Variants in DHX37 observed in about 807,000 individuals in gnomAD.
DHX37 encodes the protein DEAH-box helicase 37, also known as probable ATP-dependent RNA helicase DHX37.
A neutral mutation model predicts 134.3 loss-of-function variants in DHX37; 52 were observed. That is an observed-to-expected ratio of 0.39 (90% confidence interval 0.31 to 0.49). The LOEUF is 0.49. DHX37 is among the 20% of genes least tolerant of loss of function. DHX37 has a pLI of 0.93. For missense variants in DHX37, 1,344 were observed against 1,580.8 expected (o/e 0.85, Z 2.54); for synonymous variants, 634 against 670.7 (o/e 0.95, Z 0.85).
chr12:124,977,602 G>C (rs956799372), intron 4 of DHX37, 112 bp from the exon 5 acceptor site: 9 of 1,273,126 alleles, frequency 7.1e-6, no homozygotes, highest in Non-Finnish European at 9.3e-6. Flanking sequence ...GCCTGCTGGG[G>C]AACAGAGGCC....
chr12:124,957,622 A>C (rs1369366714), intron 16 of DHX37, among the ~76,000 whole-genome samples: 1 of 151,992 alleles, frequency 6.6e-6, no homozygotes, highest in Admixed American at 6.6e-5. Context: ...CCCCATCTCT[A>C]CTAAAAATAC....
At position 124,968,543 on chromosome 12, in the gene DHX37, G is replaced by C. The variant is rs149331610; in HGVS notation, c.1399C>G (p.Leu467Val). 469 of 1,613,314 alleles carry C rather than the reference G, an allele frequency of 2.9e-4. No homozygotes were observed. Among genetic ancestry groups the C allele is most frequent in the Non-Finnish European group, 3.5e-4 (415 of 1,180,026 alleles). The part of the protein sequence containing the change: ...FRKVCKIHRM[L>V]PAGGILVFLT... ...CTGGCCAGGGCCTCACCTGCGGGCAGCATCCGGTGGATCTTGCAGACCTTC... is the reference window on the plus strand; with the variant it reads ...CTGGCCAGGGCCTCACCTGCGGGCACCATCCGGTGGATCTTGCAGACCTTC... The change falls in exon 10 of 27, where the codon CTG (leucine) becomes GTG (valine). Residue 467 changes from leucine to valine, a missense_variant. Transcript: ENST00000308736.
In DHX37 at chr12:124,964,565, G is replaced by A. The variant is rs143925453; in HGVS notation, c.1874C>T (p.Thr625Met). 5.8e-5 allele frequency: 94 copies of A among 1,613,376 alleles called. 1 individual carries two copies. The highest frequency in any genetic ancestry group is 1.9e-4 in the South Asian group (17 of 91,080). The change falls in exon 15 of 27, where the codon ACG (threonine) becomes ATG (methionine). Residue 625 changes from threonine (T) to methionine (M), a missense_variant. By Grantham distance (81) the Thr-to-Met change is moderately conservative. Coordinates refer to ENST00000308736, the MANE Select transcript of DHX37 (RefSeq NM_032656.4). Reference protein sequence around the residue: ...LCVVATNVAETSLTIPGIKYV... With the variant: ...LCVVATNVAEMSLTIPGIKYV... ...CTTGATGCCAGGGATGGTAAGCGACGTCTCGGCCACATTGGTGGCCACAAC... is the reference window on the plus strand; with the variant it reads ...CTTGATGCCAGGGATGGTAAGCGACATCTCGGCCACATTGGTGGCCACAAC...
At chr12:124,961,949 TA>T (rs897378113) in intron 15 of DHX37, among the ~76,000 whole-genome samples, 2 of 150,928 alleles carry the variant, frequency 1.3e-5, no homozygotes, top group South Asian at 2.1e-4. Flanking sequence ...GCTTTCATAT[TA>T]AAAAAAAAGT....
chr12:124,961,182 G>GCGCA (rs547779086), intron 15 of DHX37, among the ~76,000 whole-genome samples: 4,859 of 31,770 alleles, frequency 0.15, 280 homozygotes, highest in African/African-American at 0.34. Flanking sequence ...GCGCGCATGC[G>GCGCA]CGCACGCACA....
At chr12:124,952,735 C>A in intron 20 of DHX37, 165 bp from the exon 21 acceptor site, 1 of 585,544 alleles carries the variant, frequency 1.7e-6, no homozygotes, top group Non-Finnish European at 2.6e-6. Flanking sequence ...CCCCAGCAGG[C>A]AGGATTGCAG....
At chr12:124,953,857 G>T in intron 20 of DHX37, 23 bp downstream of exon 20, 1 of 1,606,006 alleles carries the variant, frequency 6.2e-7, no homozygotes. Context: ...CGGGTGCAGC[G>T]GCGTGCCGGC....
chr12:124,967,018 T>A, intron 11 of DHX37, 105 bp downstream of exon 11: 1 of 1,531,078 alleles, frequency 6.5e-7, no homozygotes. Context: ...AAGGTGCTGA[T>A]GCTTCCAGAG....
chr12:124,969,525 C>T (rs923414950), intron 8 of DHX37, among the ~76,000 whole-genome samples: 18 of 152,098 alleles, frequency 1.2e-4, no homozygotes, highest in African/African-American at 4.3e-4. Context: ...GTGACCGTCC[C>T]TGTCTGCCTC....
rs779437822 is a variant in DHX37, at chr12:124,971,358, C to A, written c.1135G>T (p.Val379Leu). 6.2e-7 allele frequency: 1 copy of A among 1,613,446 alleles called. No homozygotes were observed. The highest frequency in any genetic ancestry group is 1.1e-5 in the South Asian group (1 of 91,070). ...AGGCCGATGAGGATGTCCGTGTACA[C>A]GCTCCTCTCGTGGGCCTCGTCGATG... ...VIIDEAHERS[V>L]YTDILIGLLS... Residue 379 changes from valine to leucine, a missense_variant, in exon 8 of 27, where the codon GTG (valine) becomes TTG (leucine). Val to Leu is a conservative substitution (Grantham distance 32, BLOSUM62 1). Transcript: ENST00000308736.
intron 4 of DHX37, among the ~76,000 whole-genome samples, chr12:124,978,987 C>T (rs929397420): frequency 1.3e-5 from 2 of 151,708 alleles, no homozygotes; most frequent in Non-Finnish European, 2.9e-5. Flanking sequence ...ATGGCTATCA[C>T]GTCATTTGCA....
At position 124,964,473 on chromosome 12, in the gene DHX37, G is replaced by A. The variant is rs773733354; in HGVS notation, c.1966C>T (p.Arg656Cys). Residue 656 changes from arginine (R) to cysteine (C), a missense_variant, in exon 15 of 27, where the codon CGT (arginine) becomes TGT (cysteine). Physicochemically the swap from Arg to Cys is radical, Grantham distance 180 (BLOSUM62 -3). Transcript: ENST00000308736. ...GATGCCTGGGAGACCCAGGTGACAC[G>A]GAAGGAGGATACGCCAGTGACGCGG... ...YDRVTGVSSF[R>C]VTWVSQASAD... 49 of 1,614,100 alleles carry A rather than the reference G, an allele frequency of 3.0e-5. No individual in the cohort carries two copies. Among genetic ancestry groups the A allele is most frequent in the East Asian group, 2.5e-4 (11 of 44,894 alleles).
At chr12:124,986,480 G>A (rs992794402) in intron 1 of DHX37, among the ~76,000 whole-genome samples, 2 of 151,780 alleles carry the variant, frequency 1.3e-5, no homozygotes, top group Non-Finnish European at 2.9e-5. Context: ...GGAGGCTGAG[G>A]CAGGTGGCTC....
At chr12:124,966,602 G>A (rs1190026168) in intron 12 of DHX37, among the ~76,000 whole-genome samples, 191 bp downstream of exon 12, 1 of 152,138 alleles carries the variant, frequency 6.6e-6, no homozygotes, top group Admixed American at 6.5e-5. Flanking sequence ...GGCCTCAAGC[G>A]ATCCTCCCAC....
At chr12:124,961,259 C>A (rs1954249631) in intron 15 of DHX37, among the ~76,000 whole-genome samples, 1 of 123,236 alleles carries the variant, frequency 8.1e-6, no homozygotes, top group Admixed American at 7.8e-5. Flanking sequence ...CACGCACGCA[C>A]ACACATACAC....
intron 2 of DHX37, among the ~76,000 whole-genome samples, chr12:124,985,384 G>A (rs1363342692): frequency 6.6e-6 from 1 of 152,004 alleles, no homozygotes; most frequent in Non-Finnish European, 1.5e-5. Context: ...TCTTGCAAAT[G>A]TTTGAATTTC....
Position 124,954,175 on chromosome 12 carries a change from C to T in DHX37, c.2490G>A (p.Lys830=). 1 of 1,611,132 alleles carries T rather than the reference C, an allele frequency of 6.2e-7. No homozygotes were observed. Among genetic ancestry groups the T allele is most frequent in the Non-Finnish European group, 8.5e-7 (1 of 1,178,828 alleles). ...TCTGGGCCACCCGGGCCCGCTTGCT[C>T]TTCAGCCTGGTGAGCTCCTCGTCAC... ...AASDEELTRL[K]SKRARVAQMK... is the part of the protein sequence containing the mutation. Residue 830 remains lysine, a synonymous_variant, in exon 19 of 27, where the codon AAG becomes AAA. Transcript: ENST00000308736.
chr12:124,982,756 A>G (rs1286535658), intron 2 of DHX37, 133 bp from the exon 3 acceptor site: 4 of 1,242,900 alleles, frequency 3.2e-6, no homozygotes, highest in African/African-American at 1.5e-5. Flanking sequence ...TTGCAATTCT[A>G]CTGGTGCATG....
At chr12:124,956,544 A>C in intron 18 of DHX37, 147 bp downstream of exon 18, 4 of 924,232 alleles carry the variant, frequency 4.3e-6, no homozygotes, top group Non-Finnish European at 4.5e-6. Context: ...GCTAGAGTGC[A>C]GTTGCACAAT....
Sources: gnomAD v4.1 joint callset for allele counts (sites outside exome capture counted in the v4.1 genomes callset) on GRCh38, gnomAD v4.1.1 for gene constraint, MANE v1.5 for transcripts, NCBI Gene and HGNC (gene_info 2026-07-23, HGNC 2026-07-21) for gene names.